WNT1: variants seen among roughly 807,000 people sequenced by gnomAD.
WNT1 encodes the protein Wnt family member 1.
A neutral mutation model predicts 21.3 loss-of-function variants in WNT1; 10 were observed. That is an observed-to-expected ratio of 0.47 (90% CI 0.29 to 0.80). WNT1 has a LOEUF of 0.80. Among genes scored for constraint, WNT1 ranks in the 30% least tolerant of loss-of-function variants. The probability of loss-of-function intolerance (pLI) is 0.09; values close to 1 mark genes in which losing one functional copy is unlikely to be tolerated. For missense variants in WNT1, 476 were observed against 534.1 expected (o/e 0.89, Z 1.07); for synonymous variants, 208 against 236.3 (o/e 0.88, Z 1.10).
chr12:48,979,852 C>A lies in WNT1; in HGVS notation c.358+131C>A. On this transcript the variant is annotated intron_variant, in intron 2 of 3. Coordinates refer to ENST00000293549, the MANE Select transcript of WNT1 (RefSeq NM_005430.4). This position sits in a 1 kb window ranked among gnomAD's most constrained non-coding sequence, Gnocchi z 6.0. ...TCACACAATCAACCTTGCCAAGTGC[C>A]TCGTGCCCAGCGCCAGCTCGGGGCC... is the stretch of plus-strand genomic sequence containing the variant. 1 of 1,324,994 alleles carries A rather than the reference C, an allele frequency of 7.5e-7. No individual in the cohort carries two copies. Among genetic ancestry groups the A allele is most frequent in the Non-Finnish European group, 1.0e-6 (1 of 1,003,638 alleles). 82.1% of individuals were successfully genotyped at this position (1,324,994 alleles called of 1,614,324 possible).
At position 48,979,855 on chromosome 12, in the gene WNT1, G is replaced by A. The variant is rs1454664435; in HGVS notation, c.358+134G>A. 6.1e-6 allele frequency: 8 copies of A among 1,306,048 alleles called. No individual in the cohort carries two copies. The highest frequency in any genetic ancestry group is 1.6e-5 in the South Asian group (1 of 62,090). The allele number at this position is 1,306,048 out of a possible 1,614,324, so 80.9% of individuals were successfully genotyped here. Reference sequence around the variant, plus strand: ...CACAATCAACCTTGCCAAGTGCCTCGTGCCCAGCGCCAGCTCGGGGCCAGA... The same window carrying A: ...CACAATCAACCTTGCCAAGTGCCTCATGCCCAGCGCCAGCTCGGGGCCAGA... On this transcript the variant is annotated intron_variant, in intron 2 of 3. Transcript: ENST00000293549. This position sits in a 1 kb window ranked among gnomAD's most constrained non-coding sequence, Gnocchi z 6.0.
Position 48,979,736 on chromosome 12 carries a change from AGGCGACGCTTCC to A in WNT1, c.358+18_358+29del, listed in dbSNP as rs1327249063. ...CGTCAACCGAGGTGGGTGCCCAGGA[AGGCGACGCTTCC>A]GGGAGCAGGGGAAACGCGGGGTCAC... On this transcript the variant is annotated intron_variant, in intron 2 of 3. Coordinates refer to ENST00000293549, the MANE Select transcript of WNT1 (RefSeq NM_005430.4). This position sits in a 1 kb window ranked among gnomAD's most constrained non-coding sequence, Gnocchi z 6.0. The A allele has an allele frequency of 2.5e-6, 4 of 1,571,948 alleles. No homozygotes were observed. In the Admixed American group the frequency reaches 7.0e-5, roughly 27 times the overall value.
chr12:48,979,630 C>G lies in WNT1; in HGVS notation c.267C>G (p.Ala89=), dbSNP rs369711501. 1.2e-6 allele frequency: 2 copies of G among 1,613,936 alleles called. No individual in the cohort carries two copies. The highest frequency in any genetic ancestry group is 1.1e-5 in the South Asian group (1 of 91,080). ...GCGTGAGTGGGGGGCTGCAGAGTGC[C>G]GTGCGCGAGTGCAAGTGGCAGTTCC... The part of the protein sequence containing the change: ...LHSVSGGLQS[A]VRECKWQFRN... Residue 89 remains alanine, a synonymous_variant, in exon 2 of 4, where the codon GCC becomes GCG. Coordinates refer to ENST00000293549, the MANE Select transcript of WNT1 (RefSeq NM_005430.4). The surrounding 1 kb of genome is among the most constrained non-coding windows in gnomAD (Gnocchi z 6.0).
rs1385922928 is a variant in WNT1, at chr12:48,979,397, C to A, written c.105-71C>A. On this transcript the variant is annotated intron_variant, in intron 1 of 3. Transcript: ENST00000293549. This position sits in a 1 kb window ranked among gnomAD's most constrained non-coding sequence, Gnocchi z 6.0. The stretch of plus-strand genomic sequence containing the variant: ...AGCCACATACCCCCAGGAAGAGGAC[C>A]GGGTGGCACAGTTTTTATGGTTAGG... 2 of 1,515,180 alleles carry A rather than the reference C, an allele frequency of 1.3e-6. No homozygotes were observed. The highest frequency in any genetic ancestry group is 1.3e-5 in the South Asian group (1 of 79,086). 93.9% of individuals were successfully genotyped at this position (1,515,180 alleles called of 1,614,324 possible). A position where few individuals can be genotyped will look rare whatever the true frequency, so the allele number is the denominator to read the frequency against.
Position 48,981,213 on chromosome 12 carries a change from T to G in WNT1, c.686T>G (p.Val229Gly). 4 of 1,612,056 alleles carry G rather than the reference T, an allele frequency of 2.5e-6. No homozygotes were observed. Among genetic ancestry groups the G allele is most frequent in the Non-Finnish European group, 1.7e-6 (2 of 1,179,434 alleles). The change falls in exon 4 of 4, where the codon GTG (valine) becomes GGG (glycine). Residue 229 changes from valine (V) to glycine (G), a missense_variant. Physicochemically the swap from Val to Gly is moderately radical, Grantham distance 109. Coordinates refer to ENST00000293549, the MANE Select transcript of WNT1 (RefSeq NM_005430.4). The surrounding 1 kb of genome is among the most constrained non-coding windows in gnomAD (Gnocchi z 7.4). ...KCHGMSGSCT[V>G]RTCWMRLPTL... The stretch of plus-strand genomic sequence containing the variant: ...CACGGGATGTCCGGCTCATGCACGG[T>G]GCGCACGTGCTGGATGCGGCTGCCC...
In WNT1 at chr12:48,981,541, G is replaced by T; in HGVS notation, c.1014G>T (p.Thr338=). 1 of 1,539,560 alleles carries T rather than the reference G, an allele frequency of 6.5e-7. No homozygotes were observed. The highest frequency in any genetic ancestry group is 8.7e-7 in the Non-Finnish European group (1 of 1,143,200). The change falls in exon 4 of 4, where the codon ACG becomes ACT. Residue 338 remains threonine (T), a synonymous_variant. Coordinates refer to ENST00000293549, the MANE Select transcript of WNT1 (RefSeq NM_005430.4). The surrounding 1 kb of genome is among the most constrained non-coding windows in gnomAD (Gnocchi z 7.4). ...GCGGCAGGGGCCACCGCACGCGCAC[G>T]CAGCGCGTCACCGAGCGCTGCAACT... ...LCCGRGHRTR[T]QRVTERCNCT...
Position 48,978,884 on chromosome 12 carries a change from A to C in WNT1, c.104+130A>C. 1.5e-6 allele frequency: 1 copy of C among 651,100 alleles called. No individual in the cohort carries two copies. The allele number at this position is 651,100 out of a possible 1,614,324, so 40.3% of individuals were successfully genotyped here. A position where few individuals can be genotyped will look rare whatever the true frequency, so the allele number is the denominator to read the frequency against. On this transcript the variant is annotated intron_variant, in intron 1 of 3. Coordinates refer to ENST00000293549, the MANE Select transcript of WNT1 (RefSeq NM_005430.4). The surrounding 1 kb of genome is among the most constrained non-coding windows in gnomAD (Gnocchi z 7.4). ...CCCCGCTCTGACTTCCCTCCGCGACACCGAAGGGCGATCTGGCATGAAACT... is the reference window on the plus strand; with the variant it reads ...CCCCGCTCTGACTTCCCTCCGCGACCCCGAAGGGCGATCTGGCATGAAACT...
rs756140371 is a variant in WNT1, at chr12:48,981,110, G to T, written c.625-42G>T. Reference sequence around the variant, plus strand: ...GGCAGTGTCTGGGAGGGTGACTCTGGCCCGGTGCCCTGGGACACTCTTTCT... The same window carrying T: ...GGCAGTGTCTGGGAGGGTGACTCTGTCCCGGTGCCCTGGGACACTCTTTCT... On this transcript the variant is annotated intron_variant, in intron 3 of 3. Transcript: ENST00000293549. The surrounding 1 kb of genome is among the most constrained non-coding windows in gnomAD (Gnocchi z 7.4). The T allele has an allele frequency of 3.7e-6, 6 of 1,601,986 alleles. No individual in the cohort carries two copies. The highest frequency in any genetic ancestry group is 5.1e-6 in the Non-Finnish European group (6 of 1,174,958).
In WNT1 at chr12:48,980,959, C is replaced by T. The variant is rs959396832; in HGVS notation, c.625-193C>T. 3.9e-5 allele frequency among the ~76,000 whole-genome samples: 6 copies of T among 152,202 alleles called. No individual in the cohort carries two copies. The highest frequency in any genetic ancestry group is 1.4e-4 in the African/African-American group (6 of 41,458). On this transcript the variant is annotated intron_variant, in intron 3 of 3. Coordinates refer to ENST00000293549, the MANE Select transcript of WNT1 (RefSeq NM_005430.4). The surrounding 1 kb of genome is among the most constrained non-coding windows in gnomAD (Gnocchi z 7.0). ...TAAGCCTGAGAGGCCGAGACTGACT[C>T]GCCGCGGCGGAGCAGGGTTGGGCAG...
chr12:48,981,102 T>A lies in WNT1; in HGVS notation c.625-50T>A. The A allele has an allele frequency of 6.3e-7, 1 of 1,593,054 alleles. No homozygotes were observed. Among genetic ancestry groups the A allele is most frequent in the Non-Finnish European group, 8.5e-7 (1 of 1,170,114 alleles). On this transcript the variant is annotated intron_variant, in intron 3 of 3. Coordinates refer to ENST00000293549, the MANE Select transcript of WNT1 (RefSeq NM_005430.4). The surrounding 1 kb of genome is among the most constrained non-coding windows in gnomAD (Gnocchi z 7.4). ...CGGGAGAGGGCAGTGTCTGGGAGGG[T>A]GACTCTGGCCCGGTGCCCTGGGACA...
chr12:48,981,620 G>C lies in WNT1; in HGVS notation c.1093G>C (p.Val365Leu). The change falls in exon 4 of 4, where the codon GTA (valine) becomes CTA (leucine). Residue 365 changes from valine to leucine, a missense_variant. Physicochemically the swap from Val to Leu is conservative, Grantham distance 32. Transcript: ENST00000293549. This position sits in a 1 kb window ranked among gnomAD's most constrained non-coding sequence, Gnocchi z 7.4. ...CTGCCGCAACTGCACGCACACGCGC[G>C]TACTGCACGAGTGTCTGTGAGGCGC... is the stretch of plus-strand genomic sequence containing the variant. Reference protein sequence around the residue: ...VSCRNCTHTRVLHECL With the variant: ...VSCRNCTHTRLLHECL 1 of 1,476,882 alleles carries C rather than the reference G, an allele frequency of 6.8e-7. No homozygotes were observed. 91.5% of individuals were successfully genotyped at this position (1,476,882 alleles called of 1,614,324 possible). A position where few individuals can be genotyped will look rare whatever the true frequency, so the allele number is the denominator to read the frequency against.
Position 48,980,474 on chromosome 12 carries a change from C to T in WNT1, c.409C>T (p.His137Tyr), listed in dbSNP as rs1168378615. The change falls in exon 3 of 4, where the codon CAT becomes TAT. Residue 137 changes from histidine (H) to tyrosine (Y), a missense_variant. By Grantham distance (83) the His-to-Tyr change is moderately conservative. Transcript: ENST00000293549. The surrounding 1 kb of genome is among the most constrained non-coding windows in gnomAD (Gnocchi z 7.0). Reference sequence around the variant, plus strand: ...CGCTATCACCTCCGCCGGGGTCACCCATTCGGTGGCGCGCTCCTGCTCAGA... The same window carrying T: ...CGCTATCACCTCCGCCGGGGTCACCTATTCGGTGGCGCGCTCCTGCTCAGA... ...IFAITSAGVT[H>Y]SVARSCSEGS... 32 of 1,614,120 alleles carry T rather than the reference C, an allele frequency of 2.0e-5. No homozygotes were observed. The highest frequency in any genetic ancestry group is 1.0e-4 in the Admixed American group (6 of 60,010).
chr12:48,978,824 C>T lies in WNT1; in HGVS notation c.104+70C>T. On this transcript the variant is annotated intron_variant, in intron 1 of 3. Transcript: ENST00000293549. This position sits in a 1 kb window ranked among gnomAD's most constrained non-coding sequence, Gnocchi z 7.4. The stretch of plus-strand genomic sequence containing the variant: ...GCCAGGGGCCAACCCTACCCAGCTC[C>T]CACGCTCTGGGATCCGTCTGCCGAC... The T allele has an allele frequency of 1.8e-6, 2 of 1,097,698 alleles. No homozygotes were observed. Among genetic ancestry groups the T allele is most frequent in the Non-Finnish European group, 2.6e-6 (2 of 779,750 alleles). The allele number at this position is 1,097,698 out of a possible 1,614,324, so 68.0% of individuals were successfully genotyped here. A position where few individuals can be genotyped will look rare whatever the true frequency, so the allele number is the denominator to read the frequency against.
Position 48,978,564 on chromosome 12 carries a change from C to A in WNT1, c.-87C>A, listed in dbSNP as rs1565720675. 10 of 981,652 alleles carry A rather than the reference C, an allele frequency of 1.0e-5. No homozygotes were observed. In the South Asian group the frequency reaches 1.4e-4, roughly 14 times the overall value. The allele number at this position is 981,652 out of a possible 1,614,324, so 60.8% of individuals were successfully genotyped here. A position where few individuals can be genotyped will look rare whatever the true frequency, so the allele number is the denominator to read the frequency against. On this transcript the variant is annotated 5_prime_UTR_variant, in exon 1 of 4. Coordinates refer to ENST00000293549, the MANE Select transcript of WNT1 (RefSeq NM_005430.4). This position sits in a 1 kb window ranked among gnomAD's most constrained non-coding sequence, Gnocchi z 7.4. ...CCAGACTGCGAACTCTCGCCACTGC[C>A]GCCACCGCCGCGTCCCGTCCCACCG...
In WNT1 at chr12:48,980,821, G is replaced by C. The variant is rs900605068; in HGVS notation, c.624+132G>C. On this transcript the variant is annotated intron_variant, in intron 3 of 3. Coordinates refer to ENST00000293549, the MANE Select transcript of WNT1 (RefSeq NM_005430.4). This position sits in a 1 kb window ranked among gnomAD's most constrained non-coding sequence, Gnocchi z 7.0. ...CCTGGGAGAGCCGGAGGCTTGGAAC[G>C]AAGACGGAGAATAGAGGAGACAGTG... The C allele has an allele frequency of 7.1e-5, 100 of 1,401,060 alleles. No homozygotes were observed. The highest frequency in any genetic ancestry group is 8.7e-5 in the Non-Finnish European group (93 of 1,064,156). The allele number at this position is 1,401,060 out of a possible 1,614,324, so 86.8% of individuals were successfully genotyped here. A position where few individuals can be genotyped will look rare whatever the true frequency, so the allele number is the denominator to read the frequency against.
Position 48,980,339 on chromosome 12 carries a change from TG to T in WNT1, c.359-82del. 4.0e-6 allele frequency: 6 copies of T among 1,498,098 alleles called. No individual in the cohort carries two copies. Among genetic ancestry groups the T allele is most frequent in the Non-Finnish European group, 9.2e-7 (1 of 1,090,668 alleles). The allele number at this position is 1,498,098 out of a possible 1,614,324, so 92.8% of individuals were successfully genotyped here. On this transcript the variant is annotated intron_variant, in intron 2 of 3. Transcript: ENST00000293549. The surrounding 1 kb of genome is among the most constrained non-coding windows in gnomAD (Gnocchi z 7.0). ...AGGACTCAAAGTGCGGAGTCGGGGG[TG>T]GGATTCCGGTCCCAAGCCCTTCATG...
In WNT1 at chr12:48,980,989, T is replaced by A. The variant is rs1261031626; in HGVS notation, c.625-163T>A. 6.6e-6 allele frequency among the ~76,000 whole-genome samples: 1 copy of A among 152,098 alleles called. No homozygotes were observed. Among genetic ancestry groups the A allele is most frequent in the Non-Finnish European group, 1.5e-5 (1 of 68,000 alleles). On this transcript the variant is annotated intron_variant, in intron 3 of 3. Coordinates refer to ENST00000293549, the MANE Select transcript of WNT1 (RefSeq NM_005430.4). The surrounding 1 kb of genome is among the most constrained non-coding windows in gnomAD (Gnocchi z 7.0). Reference sequence around the variant, plus strand: ...CGGCGGAGCAGGGTTGGGCAGGGTTTCCAAATCTCAGCGGAACATTTCGCG... The same window carrying A: ...CGGCGGAGCAGGGTTGGGCAGGGTTACCAAATCTCAGCGGAACATTTCGCG...
In WNT1 at chr12:48,981,983, G is replaced by A. The variant is rs182320319; in HGVS notation, c.*343G>A. 1.3e-5 allele frequency among the ~76,000 whole-genome samples: 2 copies of A among 152,284 alleles called. No homozygotes were observed. The highest frequency in any genetic ancestry group is 2.9e-5 in the Non-Finnish European group (2 of 68,018). On this transcript the variant is annotated 3_prime_UTR_variant, in exon 4 of 4. Coordinates refer to ENST00000293549, the MANE Select transcript of WNT1 (RefSeq NM_005430.4). This position sits in a 1 kb window ranked among gnomAD's most constrained non-coding sequence, Gnocchi z 7.4. Reference sequence around the variant, plus strand: ...GGTCGGCTCCTGATGGTGTCATTCTGCCTGCTCCATCGCGCCAGCGACCTC... The same window carrying A: ...GGTCGGCTCCTGATGGTGTCATTCTACCTGCTCCATCGCGCCAGCGACCTC...
Position 48,979,697 on chromosome 12 carries a change from C to T in WNT1, c.334C>T (p.Leu112Phe), listed in dbSNP as rs774019685. Residue 112 changes from leucine (L) to phenylalanine (F), a missense_variant, in exon 2 of 4, where the codon CTC becomes TTC. Leu to Phe is a conservative substitution (Grantham distance 22, BLOSUM62 0). Coordinates refer to ENST00000293549, the MANE Select transcript of WNT1 (RefSeq NM_005430.4). This position sits in a 1 kb window ranked among gnomAD's most constrained non-coding sequence, Gnocchi z 6.0. ...CTGTCCCACTGCTCCAGGGCCCCACCTCTTCGGCAAGATCGTCAACCGAGG... is the reference window on the plus strand; with the variant it reads ...CTGTCCCACTGCTCCAGGGCCCCACTTCTTCGGCAAGATCGTCAACCGAGG... ...WNCPTAPGPH[L>F]FGKIVNRGCR... The T allele has an allele frequency of 1.3e-6, 2 of 1,596,598 alleles. No homozygotes were observed. The highest frequency in any genetic ancestry group is 3.4e-5 in the Admixed American group (2 of 59,340).
Sources: gnomAD v4.1 joint callset for allele counts (sites outside exome capture counted in the v4.1 genomes callset) on GRCh38, gnomAD v4.1.1 for gene constraint, Gnocchi (gnomAD v3.1) non-coding constraint, MANE v1.5 for transcripts, NCBI Gene and HGNC (gene_info 2026-07-23, HGNC 2026-07-21) for gene names.